Variants in RNF212 observed in about 807,000 individuals in gnomAD.
RNF212 encodes probable E3 SUMO-protein ligase RNF212.
Under a neutral mutation model 34.7 loss-of-function variants are expected in RNF212, and 33 were observed. That is an observed-to-expected ratio of 0.95 (90% CI 0.72 to 1.27). The LOEUF (loss-of-function observed/expected upper bound fraction) is 1.27. RNF212 is among the 50% of genes most tolerant of loss of function. The probability of loss-of-function intolerance (pLI) is 0.00; values close to 1 mark genes in which losing one functional copy is unlikely to be tolerated. For missense variants in RNF212, 377 were observed against 362.2 expected (o/e 1.04, Z -0.33); for synonymous variants, 140 against 136.1 (o/e 1.03, Z -0.20).
intron 4 of RNF212, chr4:1,056,823 T>A: frequency 1.0e-6 from 1 of 987,268 alleles, no homozygotes; most frequent in African/African-American, 1.7e-5. Flanking sequence ...TTCCTGAGGC[T>A]GGCTGAGCAC....
intron 8 of RNF212, among the ~76,000 whole-genome samples, chr4:1,076,229 C>G (rs1295058537): frequency 1.3e-5 from 2 of 152,170 alleles, no homozygotes; most frequent in Non-Finnish European, 1.5e-5. Context: ...CTCTGCTTCT[C>G]CTCCTCCCCA....
chr4:1,106,121 G>T (rs984843110), intron 2 of RNF212, among the ~76,000 whole-genome samples: 3 of 152,196 alleles, frequency 2.0e-5, no homozygotes, highest in African/African-American at 7.2e-5. Flanking sequence ...GCTCCTATAG[G>T]GGGGTGAAGC....
At chr4:1,058,287 CGCAGTGAAGAAGGTGCTTGCGGG>C in intron 4 of RNF212, 1 of 687,316 alleles carries the variant, frequency 1.5e-6, no homozygotes, top group Non-Finnish European at 1.8e-6. Context: ...GGGGTTAGAA[CGCAGTGAAGAAGGTGCTTGCGGG>C]GGGGCACTAC....
intron 1 of RNF212, 123 bp from the exon 2 acceptor site, chr4:1,108,527 G>C (rs1725168804): frequency 2.1e-6 from 1 of 480,464 alleles, no homozygotes; most frequent in African/African-American, 2.0e-5. Context: ...AGGTTTTCAT[G>C]TTCTGACAGG....
chr4:1,061,602 G>T (rs1344081542), intron 3 of RNF212, among the ~76,000 whole-genome samples: 2 of 152,168 alleles, frequency 1.3e-5, no homozygotes, highest in Non-Finnish European at 2.9e-5. Flanking sequence ...TGGCCATGGG[G>T]AGCCTCAGGG....
chr4:1,070,961 G>GT (rs924234164), downstream of RNF212, among the ~76,000 whole-genome samples: 1 of 148,510 alleles, frequency 6.7e-6, no homozygotes, highest in South Asian at 2.2e-4. Flanking sequence ...AAACTAATTT[G>GT]TTTTTTTAAA....
At chr4:1,058,621 C>A (rs574272447) in intron 3 of RNF212, among the ~76,000 whole-genome samples, 1 of 152,306 alleles carries the variant, frequency 6.6e-6, no homozygotes, top group Non-Finnish European at 1.5e-5. Context: ...CACATGAGGG[C>A]GTAAATATCC....
At chr4:1,062,239 T>C (rs1276292673) in intron 3 of RNF212, among the ~76,000 whole-genome samples, 3 of 151,922 alleles carry the variant, frequency 2.0e-5, no homozygotes, top group South Asian at 2.1e-4. Flanking sequence ...CTCAACAAAA[T>C]ACCAGCAAAC....
intron 1 of RNF212, among the ~76,000 whole-genome samples, chr4:1,110,101 G>C (rs559907179): frequency 6.6e-6 from 1 of 152,130 alleles, no homozygotes; most frequent in South Asian, 2.1e-4. Context: ...CATAAAAATC[G>C]AAAAGTTCTT....
chr4:1,060,293 G>A (rs1717666661), intron 3 of RNF212, among the ~76,000 whole-genome samples: 1 of 152,208 alleles, frequency 6.6e-6, no homozygotes, highest in Non-Finnish European at 1.5e-5. Context: ...CTGCCGATCA[G>A]CCCGCTGTGT....
intron 4 of RNF212, chr4:1,058,282 T>C (rs1369105800): frequency 1.5e-6 from 1 of 658,552 alleles, no homozygotes; most frequent in Non-Finnish European, 1.9e-6. Flanking sequence ...TTGCGGGGGT[T>C]AGAACGCAGT....
intron 5 of RNF212, 26 bp downstream of exon 5, chr4:1,085,870 C>CA: frequency 1.3e-6 from 2 of 1,578,132 alleles, no homozygotes; most frequent in South Asian, 2.2e-5. Flanking sequence ...CTCGACTGCG[C>CA]ACTCACGGGG....
chr4:1,093,831 G>A, intron 3 of RNF212: 3 of 1,536,252 alleles, frequency 2.0e-6, no homozygotes, highest in Non-Finnish European at 2.6e-6. Context: ...GTGTTTCCCT[G>A]GGCCTCTGGC....
chr4:1,073,705 G>A, intron 8 of RNF212, 43 bp from the exon 9 acceptor site: 1 of 1,403,458 alleles, frequency 7.1e-7, no homozygotes, highest in Non-Finnish European at 1.0e-6. Flanking sequence ...TTCCAATATT[G>A]CGGCTTACGA....
chr4:1,072,614 T>C lies in RNF212; in HGVS notation c.*260A>G. ...CAGTTAGAAAAAAATGATTTAAGTA[T>C]GTGAAAAAAAAACTCCCTAAGCATG... On this transcript the variant is annotated 3_prime_UTR_variant, in exon 10 of 10. Coordinates refer to ENST00000433731, the MANE Select transcript of RNF212 (RefSeq NM_001131034.4). 9.9e-7 allele frequency: 1 copy of C among 1,006,840 alleles called. No individual in the cohort carries two copies. The highest frequency in any genetic ancestry group is 1.2e-6 in the Non-Finnish European group (1 of 810,852). The allele number at this position is 1,006,840 out of a possible 1,614,324, so 62.4% of individuals were successfully genotyped here. A position where few individuals can be genotyped will look rare whatever the true frequency, so the allele number is the denominator to read the frequency against.
chr4:1,061,480 G>C (rs1717744569), intron 3 of RNF212, among the ~76,000 whole-genome samples: 1 of 152,216 alleles, frequency 6.6e-6, no homozygotes, highest in African/African-American at 2.4e-5. Context: ...CTGGAACCCT[G>C]GCCGACAGAA....
At chr4:1,111,402 C>A (rs1287759800) in intron 1 of RNF212, among the ~76,000 whole-genome samples, 1 of 152,144 alleles carries the variant, frequency 6.6e-6, no homozygotes, top group Non-Finnish European at 1.5e-5. Context: ...CTGGATGGCT[C>A]TCACAGGATA....
chr4:1,088,188 T>A (rs1403996643), intron 4 of RNF212, among the ~76,000 whole-genome samples: 2 of 152,222 alleles, frequency 1.3e-5, no homozygotes, highest in Non-Finnish European at 2.9e-5. Context: ...ACCAAAATGC[T>A]GATAGTGATA....
chr4:1,061,246 G>C (rs1239647539), intron 3 of RNF212, among the ~76,000 whole-genome samples: 2 of 152,146 alleles, frequency 1.3e-5, no homozygotes, highest in Non-Finnish European at 2.9e-5. Context: ...TACCCAGCAA[G>C]AGCACAGCTG....
Sources: allele counts gnomAD v4.1 joint callset (sites outside exome capture counted in the v4.1 genomes callset), GRCh38; gene constraint gnomAD v4.1.1; transcripts MANE v1.5; gene names NCBI Gene and HGNC (gene_info 2026-07-23, HGNC 2026-07-21).